INTS6: variants seen among roughly 807,000 people sequenced by gnomAD.
The protein encoded by INTS6 is integrator complex subunit 6.
Under a neutral mutation model 104.9 loss-of-function variants are expected in INTS6, and 16 were observed. That is an observed-to-expected ratio of 0.15 (90% CI 0.10 to 0.23). The LOEUF is 0.23. Among genes scored for constraint, INTS6 ranks in the 10% least tolerant of loss-of-function variants. INTS6 has a pLI of 1.00. For synonymous variants in INTS6, 324 were observed against 358.7 expected, an observed-to-expected ratio of 0.90 and a Z score of 1.09; for missense variants, 584 against 1,062.8, an observed-to-expected ratio of 0.55 and a Z score of 6.26.
intron 3 of INTS6, chr13:51,355,277 A>C: frequency 1.7e-6 from 1 of 579,166 alleles, no homozygotes; most frequent in Non-Finnish European, 3.1e-6. Context: ...TTATATAAGA[A>C]TGTGTTGCTT....
chr13:51,420,344 AAAGTT>A (rs1386185772), intron 4 of INTS6, among the ~76,000 whole-genome samples: 3 of 151,892 alleles, frequency 2.0e-5, no homozygotes, highest in Non-Finnish European at 2.9e-5. Flanking sequence ...TTAAAAAAAA[AAAGTT>A]AAGTCTTAGG....
chr13:51,394,954 G>T (rs1956309118), intron 5 of INTS6, among the ~76,000 whole-genome samples: 1 of 152,164 alleles, frequency 6.6e-6, no homozygotes, highest in Non-Finnish European at 1.5e-5. Flanking sequence ...AATACACAGA[G>T]ATGATTCTCA....
At chr13:51,413,480 T>TGTAGTTATTA (rs1404771815) in intron 4 of INTS6, among the ~76,000 whole-genome samples, 2 of 152,204 alleles carry the variant, frequency 1.3e-5, no homozygotes, top group African/African-American at 4.8e-5. Context: ...AACCATGAGA[T>TGTAGTTATTA]GTAGTTATTA....
intron 4 of INTS6, among the ~76,000 whole-genome samples, chr13:51,404,918 CAA>C (rs1483113195): frequency 8.0e-5 from 11 of 138,052 alleles, no homozygotes. Context: ...TAATGAAAGG[CAA>C]CACATTACAC....
the INTS6 span, chr13:51,346,895 G>T: frequency 1.5e-6 from 1 of 649,636 alleles, no homozygotes; most frequent in East Asian, 2.7e-5. Context: ...GATGAAGAGA[G>T]AGACCACCTT....
intron 3 of INTS6, chr13:51,436,521 G>C (rs920392840): frequency 3.3e-5 from 5 of 152,098 alleles, no homozygotes; most frequent in Non-Finnish European, 7.4e-5. Flanking sequence ...GCAAAAGTAG[G>C]GGGGAGTTCC....
At chr13:51,420,744 TGCTA>T (rs2138067415) in intron 4 of INTS6, among the ~76,000 whole-genome samples, 1 of 150,284 alleles carries the variant, frequency 6.7e-6, no homozygotes, top group South Asian at 2.1e-4. Flanking sequence ...GAGAATACCT[TGCTA>T]GCTAAATTAA....
At chr13:51,427,662 T>TTTAAAGCAA (rs1278637213) in intron 4 of INTS6, among the ~76,000 whole-genome samples, 4 of 152,142 alleles carry the variant, frequency 2.6e-5, no homozygotes, top group Non-Finnish European at 5.9e-5. Context: ...AACTTCAAAA[T>TTTAAAGCAA]AATTTACTTT....
intron 4 of INTS6, among the ~76,000 whole-genome samples, chr13:51,411,254 T>C (rs914991752): frequency 6.0e-5 from 9 of 148,918 alleles, no homozygotes; most frequent in Non-Finnish European, 8.9e-5. Context: ...AATAAATAAA[T>C]AAGCAAGCAA....
intron 7 of INTS6, among the ~76,000 whole-genome samples, chr13:51,386,107 C>T (rs1555285158): frequency 1.3e-5 from 2 of 152,096 alleles, no homozygotes; most frequent in Non-Finnish European, 1.5e-5. Flanking sequence ...TCTAAACATA[C>T]CTTGTTCTTT....
In INTS6 at chr13:51,374,255, G is replaced by A. The variant is rs756332078; in HGVS notation, c.2057C>T (p.Thr686Ile). 12 of 1,613,950 alleles carry A rather than the reference G, an allele frequency of 7.4e-6. No homozygotes were observed. The highest frequency in any genetic ancestry group is 9.3e-6 in the Non-Finnish European group (11 of 1,179,964). Residue 686 changes from threonine to isoleucine, a missense_variant, in exon 15 of 18, where the codon ACA becomes ATA. Physicochemically the swap from Thr to Ile is moderately conservative, Grantham distance 89 (BLOSUM62 -1). Coordinates refer to ENST00000311234, the MANE Select transcript of INTS6 (RefSeq NM_012141.3). ...AATAAGATCTGGCTGTGCTTGAGTT[G>A]TAGGTGCAGGTGGTCCTTTTCCCCC... ...HIGGKGPPAP[T>I]TQAQPDLIKP...
chr13:51,413,007 A>G (rs555702117), intron 4 of INTS6, among the ~76,000 whole-genome samples: 5 of 152,290 alleles, frequency 3.3e-5, no homozygotes, highest in Admixed American at 2.6e-4. Flanking sequence ...AAATGCTTCA[A>G]AATTTTATTC....
At chr13:51,342,078 G>A in the INTS6 span, among the ~76,000 whole-genome samples, 2 of 151,108 alleles carry the variant, frequency 1.3e-5, no homozygotes, top group African/African-American at 4.9e-5. Context: ...CTCAATGCCT[G>A]GCCTCAGAAC....
intron 4 of INTS6, among the ~76,000 whole-genome samples, chr13:51,423,424 A>G (rs764571445): frequency 6.6e-6 from 1 of 152,034 alleles, no homozygotes; most frequent in Non-Finnish European, 1.5e-5. Context: ...ATACTATACC[A>G]TCCTTTGGAT....
chr13:51,435,225 G>GT (rs1413535580), intron 3 of INTS6, among the ~76,000 whole-genome samples: 2 of 151,924 alleles, frequency 1.3e-5, no homozygotes, highest in Non-Finnish European at 2.9e-5. Context: ...ATAAATTCAC[G>GT]TTTTACTCTC....
chr13:51,452,602 G>C lies in INTS6; in HGVS notation c.-77C>G. The C allele has an allele frequency of 6.5e-7, 1 of 1,545,628 alleles. No homozygotes were observed. On this transcript the variant is annotated 5_prime_UTR_variant, in exon 1 of 18. Coordinates refer to ENST00000311234, the MANE Select transcript of INTS6 (RefSeq NM_012141.3). This position sits in a 1 kb window ranked among gnomAD's most constrained non-coding sequence, Gnocchi z 4.2. ...TAGAGGTGGAGGCGCCGGTGGCGGC[G>C]ACCGCCGCTACGCGGGGCGGGGGAG...
In INTS6 at chr13:51,453,005, A is replaced by G; in HGVS notation, c.-480T>C. The stretch of plus-strand genomic sequence containing the variant: ...ACTCCCTCCGCACCCCGGCGGTGTC[A>G]CCACTTTCTCAGCCCCTCTCGCTAC... On this transcript the variant is annotated 5_prime_UTR_variant, in exon 1 of 18. Coordinates refer to ENST00000311234, the MANE Select transcript of INTS6 (RefSeq NM_012141.3). 6 of 1,011,316 alleles carry G rather than the reference A, an allele frequency of 5.9e-6. No individual in the cohort carries two copies. Among genetic ancestry groups the G allele is most frequent in the Non-Finnish European group, 7.1e-6 (6 of 845,896 alleles). 62.6% of individuals were successfully genotyped at this position (1,011,316 alleles called of 1,614,324 possible).
At chr13:51,426,979 T>A (rs1281938724) in intron 4 of INTS6, among the ~76,000 whole-genome samples, 1 of 152,148 alleles carries the variant, frequency 6.6e-6, no homozygotes, top group Non-Finnish European at 1.5e-5. Context: ...TCCCTGGATC[T>A]CAATTTTCTC....
intron 4 of INTS6, among the ~76,000 whole-genome samples, chr13:51,417,449 A>ATTTT (rs1243190906): frequency 6.2e-5 from 8 of 129,370 alleles, no homozygotes; most frequent in South Asian, 2.7e-4. Context: ...TGCTAAGAAA[A>ATTTT]TTCTTTTTTT....
Sources: gnomAD v4.1 joint callset for allele counts (sites outside exome capture counted in the v4.1 genomes callset) on GRCh38, gnomAD v4.1.1 for gene constraint, Gnocchi (gnomAD v3.1) non-coding constraint, MANE v1.5 for transcripts, NCBI Gene and HGNC (gene_info 2026-07-23, HGNC 2026-07-21) for gene names.